Variants in GPC5 observed in about 807,000 individuals in gnomAD.
The protein encoded by GPC5 is glypican 5.
In GPC5, 47 loss-of-function variants were observed where a neutral mutation model predicts 53.9. The ratio of observed to expected loss-of-function variants is 0.87; its 90% CI spans 0.69 to 1.11. GPC5 has a LOEUF of 1.11. GPC5 is among the 50% of genes most tolerant of loss of function. The probability of loss-of-function intolerance (pLI) is 0.00; values close to 1 mark genes in which losing one functional copy is unlikely to be tolerated. For missense variants in GPC5, 748 were observed against 713.1 expected, an observed-to-expected ratio of 1.05 and a Z score of -0.56; for synonymous variants, 286 against 263.3, an observed-to-expected ratio of 1.09 and a Z score of -0.84.
chr13:92,521,677 G>A (rs2138969749), intron 7 of GPC5, among the ~76,000 whole-genome samples: 1 of 152,228 alleles, frequency 6.6e-6, no homozygotes, highest in East Asian at 1.9e-4. Flanking sequence ...AAAAACCCTA[G>A]AAGAAAACCT....
intron 7 of GPC5, among the ~76,000 whole-genome samples, chr13:92,527,172 GA>G (rs1881343424): frequency 1.6e-5 from 1 of 60,872 alleles, no homozygotes; most frequent in Admixed American, 1.9e-4. Context: ...AAGAAAGAAA[GA>G]GAAAGAAAGA....
At chr13:91,963,239 C>T (rs937737545) in intron 6 of GPC5, among the ~76,000 whole-genome samples, 2 of 152,096 alleles carry the variant, frequency 1.3e-5, no homozygotes, top group Admixed American at 1.3e-4. Flanking sequence ...ATCCTAATTC[C>T]CTGCTGCTGG....
intron 6 of GPC5, among the ~76,000 whole-genome samples, chr13:92,052,786 T>C (rs1214474683): frequency 6.6e-6 from 1 of 152,178 alleles, no homozygotes; most frequent in Non-Finnish European, 1.5e-5. Context: ...AGCCAAGTTA[T>C]ACAGCAAGAG....
At chr13:92,192,470 T>A (rs2042229504) in intron 7 of GPC5, among the ~76,000 whole-genome samples, 2 of 152,206 alleles carry the variant, frequency 1.3e-5, no homozygotes, top group African/African-American at 4.8e-5. Flanking sequence ...TGGACTAGGT[T>A]TAGTAAGTAA....
intron 7 of GPC5, among the ~76,000 whole-genome samples, chr13:92,440,264 T>C (rs56116043): frequency 0.071 from 10,795 of 152,220 alleles, 421 homozygotes; most frequent in Admixed American, 0.097. Context: ...TCTCTCTCCA[T>C]TGTAGTAGTC....
intron 7 of GPC5, among the ~76,000 whole-genome samples, chr13:92,658,276 T>C (rs1886206420): frequency 1.3e-5 from 2 of 152,216 alleles, no homozygotes; most frequent in Non-Finnish European, 1.5e-5. Flanking sequence ...AATTACTCAT[T>C]GGTTTGGCAT....
At chr13:92,281,790 A>G (rs1244810129) in intron 7 of GPC5, among the ~76,000 whole-genome samples, 1 of 152,186 alleles carries the variant, frequency 6.6e-6, no homozygotes, top group Non-Finnish European at 1.5e-5. Flanking sequence ...AACCGCAAAG[A>G]TGGGGAGAAA....
chr13:92,718,445 G>A (rs915254697), intron 7 of GPC5, among the ~76,000 whole-genome samples: 5 of 151,996 alleles, frequency 3.3e-5, no homozygotes, highest in African/African-American at 9.7e-5. Context: ...AAATAGGCCA[G>A]GCATAGAAAA....
chr13:91,938,324 C>A (rs1218955896), intron 6 of GPC5, among the ~76,000 whole-genome samples: 1 of 152,002 alleles, frequency 6.6e-6, no homozygotes, highest in Admixed American at 6.6e-5. Context: ...AGGGGAAGTG[C>A]AACACTCTTT....
chr13:91,440,438 G>A (rs1880337980), intron 1 of GPC5, among the ~76,000 whole-genome samples: 2 of 152,054 alleles, frequency 1.3e-5, no homozygotes, highest in African/African-American at 4.8e-5. Flanking sequence ...ATATTTTTCA[G>A]TTACAGAATT....
chr13:91,661,810 T>A (rs945517930), intron 2 of GPC5, among the ~76,000 whole-genome samples: 1 of 151,792 alleles, frequency 6.6e-6, no homozygotes, highest in African/African-American at 2.4e-5. Context: ...AGTGAGAGAA[T>A]TAGGAGAGGA....
At chr13:92,468,940 C>T (rs1878805329) in intron 7 of GPC5, among the ~76,000 whole-genome samples, 2 of 152,126 alleles carry the variant, frequency 1.3e-5, no homozygotes, top group African/African-American at 4.8e-5. Context: ...CCTCCTTTCC[C>T]TCCACTGTCT....
intron 2 of GPC5, among the ~76,000 whole-genome samples, chr13:91,467,338 C>G (rs949576397): frequency 6.6e-6 from 1 of 152,120 alleles, no homozygotes; most frequent in Admixed American, 6.5e-5. Context: ...CTAAGTGATC[C>G]ACGATTCCTC....
At chr13:91,413,647 G>A (rs930066201) in intron 1 of GPC5, among the ~76,000 whole-genome samples, 4 of 152,210 alleles carry the variant, frequency 2.6e-5, no homozygotes, top group African/African-American at 9.6e-5. Flanking sequence ...GCTTCTCTGT[G>A]TGATAACACT....
intron 7 of GPC5, among the ~76,000 whole-genome samples, chr13:92,472,279 A>T (rs1878943581): frequency 6.6e-6 from 1 of 152,078 alleles, no homozygotes; most frequent in African/African-American, 2.4e-5. Flanking sequence ...TTCCAGGAAT[A>T]TTTATTGGAA....
intron 7 of GPC5, among the ~76,000 whole-genome samples, chr13:92,147,491 T>G (rs2041876728): frequency 6.6e-6 from 1 of 152,044 alleles, no homozygotes; most frequent in South Asian, 2.1e-4. Context: ...TATTAGTACG[T>G]CACTCTTTTT....
chr13:91,633,473 G>A (rs2034210421), intron 2 of GPC5, among the ~76,000 whole-genome samples: 1 of 152,106 alleles, frequency 6.6e-6, no homozygotes, highest in Non-Finnish European at 1.5e-5. Context: ...TGTCATAACA[G>A]TCTTGTATGT....
At chr13:91,651,591 G>C (rs2034711640) in intron 2 of GPC5, among the ~76,000 whole-genome samples, 1 of 152,030 alleles carries the variant, frequency 6.6e-6, no homozygotes, top group Admixed American at 6.6e-5. Flanking sequence ...GGTGGCACAT[G>C]CCTGTAATCC....
intron 2 of GPC5, among the ~76,000 whole-genome samples, chr13:91,492,598 C>T (rs916261304): frequency 1.3e-5 from 2 of 152,190 alleles, no homozygotes; most frequent in Admixed American, 1.3e-4. Context: ...ATGATGCCCA[C>T]ACATTGTGGA....
Sources: gnomAD v4.1 joint callset for allele counts (sites outside exome capture counted in the v4.1 genomes callset) on GRCh38, gnomAD v4.1.1 for gene constraint, MANE v1.5 for transcripts, NCBI Gene and HGNC (gene_info 2026-07-23, HGNC 2026-07-21) for gene names.